The following FAM240B variants were observed in gnomAD, a reference collection of about 807,000 sequenced individuals.
The protein encoded by FAM240B is family with sequence similarity 240 member B.
chr9:38,716,228 T>G (rs1208851473), intron 1 of FAM240B, among the ~76,000 whole-genome samples: 2 of 152,152 alleles, frequency 1.3e-5, no homozygotes, highest in Non-Finnish European at 2.9e-5. Context: ...TCTCAGCACT[T>G]TGGGAGGCTG....
intron 2 of FAM240B, among the ~76,000 whole-genome samples, chr9:38,701,922 A>AAT (rs1157645899): frequency 6.6e-6 from 1 of 152,094 alleles, no homozygotes; most frequent in African/African-American, 2.4e-5. Flanking sequence ...ACACACACAC[A>AAT]CAATCTGTCA....
intron 2 of FAM240B, 34 bp from the exon 3 acceptor site, chr9:38,694,903 A>G (rs966872756): frequency 3.0e-5 from 12 of 398,454 alleles, no homozygotes; most frequent in African/African-American, 2.1e-4. Context: ...TGCTCAGTGC[A>G]TTTGTCTCCA....
chr9:38,710,244 A>G (rs1049605534), intron 1 of FAM240B, among the ~76,000 whole-genome samples: 1 of 152,210 alleles, frequency 6.6e-6, no homozygotes, highest in Non-Finnish European at 1.5e-5. Context: ...CTGGGATTAC[A>G]GGTGTGAGCC....
chr9:38,717,339 G>A (rs1225418728), intron 1 of FAM240B, among the ~76,000 whole-genome samples: 1 of 152,072 alleles, frequency 6.6e-6, no homozygotes. Flanking sequence ...CCGGCATTTT[G>A]GGAGGCCAAG....
chr9:38,712,781 C>G (rs934609545), intron 1 of FAM240B, among the ~76,000 whole-genome samples: 21 of 152,252 alleles, frequency 1.4e-4, no homozygotes, highest in African/African-American at 5.1e-4. Flanking sequence ...TGTAACCAGA[C>G]AAGAAGCCAG....
chr9:38,719,479 A>G (rs1039726621), intron 1 of FAM240B, among the ~76,000 whole-genome samples: 4 of 152,212 alleles, frequency 2.6e-5, no homozygotes, highest in Non-Finnish European at 5.9e-5. Flanking sequence ...TGTGAGGCTC[A>G]TGCACTTGAG....
chr9:38,710,114 T>A (rs1220930301), intron 1 of FAM240B, among the ~76,000 whole-genome samples: 1 of 152,088 alleles, frequency 6.6e-6, no homozygotes, highest in Non-Finnish European at 1.5e-5. Context: ...GAATTACAGG[T>A]GCACACCACC....
intron 1 of FAM240B, among the ~76,000 whole-genome samples, chr9:38,712,877 A>C (rs1392355771): frequency 6.6e-6 from 1 of 152,174 alleles, no homozygotes; most frequent in Non-Finnish European, 1.5e-5. Context: ...CTGATGCCAA[A>C]AGTCCTGTCT....
chr9:38,704,414 C>T (rs183991202), intron 1 of FAM240B, among the ~76,000 whole-genome samples: 2 of 152,026 alleles, frequency 1.3e-5, no homozygotes, highest in African/African-American at 2.4e-5. Flanking sequence ...GCTCTACCTA[C>T]GAATATCAAT....
chr9:38,713,825 T>C (rs995572911), intron 1 of FAM240B, among the ~76,000 whole-genome samples: 2 of 152,228 alleles, frequency 1.3e-5, no homozygotes, highest in Non-Finnish European at 2.9e-5. Context: ...TATAGAGGAA[T>C]TCTTTGAATT....
chr9:38,711,342 T>A (rs1313988164), intron 1 of FAM240B, among the ~76,000 whole-genome samples: 4 of 152,214 alleles, frequency 2.6e-5, no homozygotes, highest in Non-Finnish European at 5.9e-5. Flanking sequence ...CCATTTCCAC[T>A]CAGGTGGTCT....
At chr9:38,702,533 C>A (rs535689984) in intron 2 of FAM240B, among the ~76,000 whole-genome samples, 1 of 152,268 alleles carries the variant, frequency 6.6e-6, no homozygotes, top group South Asian at 2.1e-4. Flanking sequence ...GACAGAGAAC[C>A]CGGACAGGCC....
In FAM240B at chr9:38,694,467, G is replaced by A. The variant is rs1022091892; in HGVS notation, c.*309C>T. On this transcript the variant is annotated 3_prime_UTR_variant, in exon 3 of 3. Transcript: ENST00000637493. ...ACTTGAAACATTTCAAAATGACAAGGAAATGTGGAAATATACTAGGCTACA... is the reference window on the plus strand; with the variant it reads ...ACTTGAAACATTTCAAAATGACAAGAAAATGTGGAAATATACTAGGCTACA... 8.2e-6 allele frequency: 2 copies of A among 244,192 alleles called. No homozygotes were observed. The highest frequency in any genetic ancestry group is 1.6e-5 in the Non-Finnish European group (2 of 128,542). The allele number at this position is 244,192 out of a possible 1,614,324, so 15.1% of individuals were successfully genotyped here. A position where few individuals can be genotyped will look rare whatever the true frequency, so the allele number is the denominator to read the frequency against.
chr9:38,718,501 A>G (rs1821333678), intron 1 of FAM240B, among the ~76,000 whole-genome samples: 1 of 152,172 alleles, frequency 6.6e-6, no homozygotes, highest in Admixed American at 6.5e-5. Context: ...TGGACTCAGG[A>G]GAACATATCT....
In FAM240B at chr9:38,695,448, C is replaced by T. The variant is rs567862359; in HGVS notation, c.144-579G>A. 3.3e-4 allele frequency among the ~76,000 whole-genome samples: 51 copies of T among 152,306 alleles called. No individual in the cohort carries two copies. In the South Asian group the frequency reaches 8.9e-3, roughly 27 times the overall value. On this transcript the variant is annotated intron_variant, in intron 2 of 2. Coordinates refer to ENST00000637493, the MANE Select transcript of FAM240B (RefSeq NM_001394922.1). ...GCTGAGATGGGAGAATGGCGTGAACCTGGGAGGTGGAGCTTGCAGTGAGCT... is the reference window on the plus strand; with the variant it reads ...GCTGAGATGGGAGAATGGCGTGAACTTGGGAGGTGGAGCTTGCAGTGAGCT...
At chr9:38,696,974 G>T (rs998743194) in intron 2 of FAM240B, among the ~76,000 whole-genome samples, 1 of 152,062 alleles carries the variant, frequency 6.6e-6, no homozygotes, top group Non-Finnish European at 1.5e-5. Flanking sequence ...GAATACCCAG[G>T]TTCACAAGCT....
intron 1 of FAM240B, among the ~76,000 whole-genome samples, chr9:38,717,506 A>G (rs1356325842): frequency 6.6e-6 from 1 of 152,118 alleles, no homozygotes; most frequent in Non-Finnish European, 1.5e-5. Flanking sequence ...TTTGAGAAGG[A>G]GTCTCGCTCT....
At chr9:38,716,364 C>A (rs1821302768) in intron 1 of FAM240B, among the ~76,000 whole-genome samples, 2 of 152,088 alleles carry the variant, frequency 1.3e-5, no homozygotes, top group Admixed American at 1.3e-4. Flanking sequence ...CCCAGCTACT[C>A]GGGAGGCTGA....
At chr9:38,715,526 G>A (rs1821296167) in intron 1 of FAM240B, among the ~76,000 whole-genome samples, 1 of 152,218 alleles carries the variant, frequency 6.6e-6, no homozygotes, top group African/African-American at 2.4e-5. Context: ...TTGAATGCAT[G>A]GCTTGTTTCA....
Sources: gnomAD v4.1 joint callset for allele counts (sites outside exome capture counted in the v4.1 genomes callset) on GRCh38, gnomAD v4.1.1 for gene constraint, MANE v1.5 for transcripts, NCBI Gene and HGNC (gene_info 2026-07-23, HGNC 2026-07-21) for gene names.